Variants in SDR42E2 observed in about 807,000 individuals in gnomAD.
The protein encoded by SDR42E2 is putative short-chain dehydrogenase/reductase family 42E member 2.
Under a neutral mutation model 10.5 loss-of-function variants are expected in SDR42E2, and 20 were observed. The observed-to-expected ratio is 1.90, with a 90% CI of 1.34 to 2.77. The LOEUF (loss-of-function observed/expected upper bound fraction) is 2.77. SDR42E2 is among the 30% of genes most tolerant of loss of function. SDR42E2 has a pLI of 0.00. For missense variants in SDR42E2, 162 were observed against 104.2 expected (o/e 1.55, Z -2.42); for synonymous variants, 72 against 39.2 (o/e 1.84, Z -3.12).
chr16:22,169,597 G>A (rs1332694827), intron 5 of SDR42E2, 95 bp downstream of exon 5: 3 of 700,338 alleles, frequency 4.3e-6, no homozygotes, highest in African/African-American at 3.5e-5. Context: ...GGGTCAAAGG[G>A]AGGGCCTGTG....
chr16:22,180,151 A>G (rs749991385), intron 8 of SDR42E2, among the ~76,000 whole-genome samples: 2 of 152,130 alleles, frequency 1.3e-5, no homozygotes, highest in Non-Finnish European at 2.9e-5. Flanking sequence ...TTTGACAGCC[A>G]TTGTCAGGAC....
intron 7 of SDR42E2, among the ~76,000 whole-genome samples, chr16:22,177,649 GAAAA>G (rs1286099279): frequency 6.6e-6 from 1 of 151,024 alleles, no homozygotes. Flanking sequence ...AATAAAGAAA[GAAAA>G]AGAAAAAGGA....
At chr16:22,173,472 G>C (rs574786359) in intron 7 of SDR42E2, among the ~76,000 whole-genome samples, 1 of 152,120 alleles carries the variant, frequency 6.6e-6, no homozygotes, top group South Asian at 2.1e-4. Context: ...CACCTGCCTT[G>C]GCCTCCCAAA....
At position 22,184,170 on chromosome 16, in the gene SDR42E2, T is replaced by C. The variant is rs958859635; in HGVS notation, c.877-11T>C. 4 of 401,138 alleles carry C rather than the reference T, an allele frequency of 1.0e-5. No homozygotes were observed. The highest frequency in any genetic ancestry group is 1.8e-5 in the Non-Finnish European group (4 of 226,284). 24.8% of individuals were successfully genotyped at this position (401,138 alleles called of 1,614,324 possible). ...CCACTTGTTCTCACTCCAGGTCGTGTTTCTTTGCAGTTTGAGAAGCTGGGG... is the reference window on the plus strand; with the variant it reads ...CCACTTGTTCTCACTCCAGGTCGTGCTTCTTTGCAGTTTGAGAAGCTGGGG... On this transcript the variant is annotated splice_polypyrimidine_tract_variant and intron_variant, in intron 10 of 12. Coordinates refer to ENST00000602312, the MANE Select transcript of SDR42E2 (RefSeq NM_001394319.2).
chr16:22,186,256 G>C (rs1187498173), intron 11 of SDR42E2, among the ~76,000 whole-genome samples: 1 of 151,678 alleles, frequency 6.6e-6, no homozygotes, highest in Non-Finnish European at 1.5e-5. Context: ...GCCCAGCCTG[G>C]AGTGCAGTGG....
In SDR42E2 at chr16:22,191,017, G is replaced by T. The variant is rs1031692068; in HGVS notation, c.*624G>T. On this transcript the variant is annotated 3_prime_UTR_variant, in exon 13 of 13. Coordinates refer to ENST00000602312, the MANE Select transcript of SDR42E2 (RefSeq NM_001394319.2). ...GTTTGGGCACGCCTTCTGAGTCCTG[G>T]TCACGCCTCTGTCCCGCCCCCTGAA... 1 of 154,464 alleles carries T rather than the reference G, an allele frequency of 6.5e-6. No individual in the cohort carries two copies. Among genetic ancestry groups the T allele is most frequent in the African/African-American group, 2.4e-5 (1 of 41,288 alleles). 9.6% of individuals were successfully genotyped at this position (154,464 alleles called of 1,614,324 possible).
rs949032784 is a variant in SDR42E2 at position 22,190,690 on chromosome 16, G to T, written c.*297G>T. ...TGGGCACGCTCCTGCTCCGCCCCCT[G>T]AATCCTGGCCACGTCCCTGGTCGGC... On this transcript the variant is annotated 3_prime_UTR_variant, in exon 13 of 13. Coordinates refer to ENST00000602312, the MANE Select transcript of SDR42E2 (RefSeq NM_001394319.2). The T allele has an allele frequency of 8.8e-6, 3 of 341,878 alleles. No individual in the cohort carries two copies. The highest frequency in any genetic ancestry group is 1.0e-5 in the Non-Finnish European group (2 of 193,246). 21.2% of individuals were successfully genotyped at this position (341,878 alleles called of 1,614,324 possible). A position where few individuals can be genotyped will look rare whatever the true frequency, so the allele number is the denominator to read the frequency against.
chr16:22,174,706 C>T (rs2046630093), intron 7 of SDR42E2, among the ~76,000 whole-genome samples: 1 of 152,098 alleles, frequency 6.6e-6, no homozygotes, highest in African/African-American at 2.4e-5. Context: ...GTAGCCTGTA[C>T]TCTAGACACC....
intron 11 of SDR42E2, among the ~76,000 whole-genome samples, chr16:22,186,351 C>T (rs1393632574): frequency 6.6e-6 from 1 of 152,124 alleles, no homozygotes; most frequent in Admixed American, 6.5e-5. Flanking sequence ...GGATTACAGG[C>T]ATGTGCCACC....
chr16:22,188,822 T>C lies in SDR42E2; in HGVS notation c.1015-1317T>C, dbSNP rs375380634. 1.1e-3 allele frequency among the ~76,000 whole-genome samples: 172 copies of C among 152,108 alleles called. 3 individuals carry two copies. In the South Asian group the frequency reaches 0.035, roughly 31 times the overall value. On this transcript the variant is annotated intron_variant, in intron 12 of 12. Transcript: ENST00000602312. ...GCCCTCCAGTTTGACTTTATAGCCT[T>C]TTATGCATTTAACATAAATGTTACC...
In SDR42E2 at chr16:22,191,533, A is replaced by G. The variant is rs1303934952; in HGVS notation, c.*1140A>G. 6.6e-6 allele frequency: 1 copy of G among 152,114 alleles called. No individual in the cohort carries two copies. The highest frequency in any genetic ancestry group is 2.4e-5 in the African/African-American group (1 of 41,416). 9.4% of individuals were successfully genotyped at this position (152,114 alleles called of 1,614,324 possible). On this transcript the variant is annotated 3_prime_UTR_variant, in exon 13 of 13. Coordinates refer to ENST00000602312, the MANE Select transcript of SDR42E2 (RefSeq NM_001394319.2). ...CCCGACCCAATGTTCTGGGCTTCTC[A>G]TTCACACAGATCTGTGTGTTGACAG... is the stretch of plus-strand genomic sequence containing the variant.
At chr16:22,174,709 T>C (rs1832321795) in intron 7 of SDR42E2, among the ~76,000 whole-genome samples, 1 of 152,124 alleles carries the variant, frequency 6.6e-6, no homozygotes, top group Admixed American at 6.6e-5. Flanking sequence ...GCCTGTACTC[T>C]AGACACCTAA....
chr16:22,190,523 C>T lies in SDR42E2; in HGVS notation c.*130C>T, dbSNP rs1043102785. 2.5e-6 allele frequency: 1 copy of T among 399,126 alleles called. No individual in the cohort carries two copies. The highest frequency in any genetic ancestry group is 4.4e-6 in the Non-Finnish European group (1 of 226,474). 24.7% of individuals were successfully genotyped at this position (399,126 alleles called of 1,614,324 possible). A position where few individuals can be genotyped will look rare whatever the true frequency, so the allele number is the denominator to read the frequency against. On this transcript the variant is annotated 3_prime_UTR_variant, in exon 13 of 13. Coordinates refer to ENST00000602312, the MANE Select transcript of SDR42E2 (RefSeq NM_001394319.2). ...GCGCCTCCGCTCCGCCCCTTGAATCCTGGTCACGCCCCCGAGCCGCTCTCC... is the reference window on the plus strand; with the variant it reads ...GCGCCTCCGCTCCGCCCCTTGAATCTTGGTCACGCCCCCGAGCCGCTCTCC...
intron 6 of SDR42E2, 127 bp from the exon 7 acceptor site, chr16:22,172,129 G>A: frequency 1.5e-6 from 1 of 650,562 alleles, no homozygotes; most frequent in Admixed American, 2.3e-5. Flanking sequence ...GAAAGGCCAT[G>A]GGGCTCAGGG....
chr16:22,168,388 C>G (rs943278475), intron 4 of SDR42E2, among the ~76,000 whole-genome samples: 1 of 152,004 alleles, frequency 6.6e-6, no homozygotes, highest in Non-Finnish European at 1.5e-5. Context: ...GCCTCAGACT[C>G]CTGAGTAGCT....
chr16:22,174,130 A>G (rs2046624710), intron 7 of SDR42E2, among the ~76,000 whole-genome samples: 1 of 151,556 alleles, frequency 6.6e-6, no homozygotes, highest in Non-Finnish European at 1.5e-5. Flanking sequence ...CAGGAGTTCA[A>G]GACCAGCCTA....
At chr16:22,173,866 A>T (rs976390701) in intron 7 of SDR42E2, among the ~76,000 whole-genome samples, 2 of 142,474 alleles carry the variant, frequency 1.4e-5, no homozygotes, top group African/African-American at 5.2e-5. Context: ...TACAAAATAT[A>T]TATATATGTA....
chr16:22,168,325 A>G (rs936049303), intron 4 of SDR42E2, among the ~76,000 whole-genome samples: 5 of 151,978 alleles, frequency 3.3e-5, no homozygotes, highest in African/African-American at 1.2e-4. Flanking sequence ...GTGTGCAGTG[A>G]TATGATCTCA....
chr16:22,178,366 C>G (rs1434499658), intron 8 of SDR42E2, among the ~76,000 whole-genome samples, 154 bp downstream of exon 8: 1 of 152,214 alleles, frequency 6.6e-6, no homozygotes, highest in African/African-American at 2.4e-5. Context: ...TTCCTGCCCC[C>G]ACTGGTCCAC....
Sources: gnomAD v4.1 joint callset for allele counts (sites outside exome capture counted in the v4.1 genomes callset) on GRCh38, gnomAD v4.1.1 for gene constraint, MANE v1.5 for transcripts, NCBI Gene and HGNC (gene_info 2026-07-23, HGNC 2026-07-21) for gene names.